The following UACA variants were observed in gnomAD, a reference collection of about 807,000 sequenced individuals.
UACA encodes uveal autoantigen with coiled-coil domains and ankyrin repeats.
A neutral mutation model predicts 160.5 loss-of-function variants in UACA; 112 were observed. The observed-to-expected ratio is 0.70, with a 90% CI of 0.60 to 0.82. The LOEUF is 0.82. UACA is among the 40% of genes least tolerant of loss of function. UACA has a pLI of 0.00. For synonymous variants in UACA, 557 were observed against 568.4 expected, an observed-to-expected ratio of 0.98 and a Z score of 0.29; for missense variants, 1,574 against 1,614.6, an observed-to-expected ratio of 0.97 and a Z score of 0.43.
chr15:70,696,752 G>C (rs1468328970), intron 2 of UACA, among the ~76,000 whole-genome samples: 1 of 152,166 alleles, frequency 6.6e-6, no homozygotes, highest in African/African-American at 2.4e-5. Flanking sequence ...ACCTTTTGAA[G>C]AATGCTAATT....
chr15:70,658,266 A>G (rs74021814), intron 18 of UACA, among the ~76,000 whole-genome samples: 2,101 of 152,318 alleles, frequency 0.014, 47 homozygotes, highest in African/African-American at 0.047. Flanking sequence ...CTGCATGGAC[A>G]TATTACATTT....
intron 1 of UACA, among the ~76,000 whole-genome samples, chr15:70,756,691 G>T (rs1175246126): frequency 6.6e-6 from 1 of 152,062 alleles, no homozygotes; most frequent in African/African-American, 2.4e-5. Flanking sequence ...TGGCCAACAT[G>T]GCAAAACCCT....
chr15:70,660,256 T>C (rs779355863), intron 17 of UACA, 40 bp from the exon 18 acceptor site: 47 of 1,564,948 alleles, frequency 3.0e-5, no homozygotes, highest in Non-Finnish European at 4.0e-5. Flanking sequence ...ACTATCAGCG[T>C]TCACATTTCC....
At chr15:70,676,975 A>G (rs959721365) in intron 12 of UACA, 133 bp downstream of exon 12, 1 of 683,042 alleles carries the variant, frequency 1.5e-6, no homozygotes, top group Non-Finnish European at 2.4e-6. Flanking sequence ...TCATCTATAG[A>G]TTTTGAATTT....
chr15:70,660,340 A>C, intron 17 of UACA, 124 bp from the exon 18 acceptor site: 1 of 749,300 alleles, frequency 1.3e-6, no homozygotes, highest in Non-Finnish European at 2.2e-6. Flanking sequence ...TACTTCTAAC[A>C]ACAAACTACC....
chr15:70,741,730 G>A (rs1478230483), intron 1 of UACA, among the ~76,000 whole-genome samples: 1 of 152,142 alleles, frequency 6.6e-6, no homozygotes, highest in Non-Finnish European at 1.5e-5. Flanking sequence ...GTTTTAATAA[G>A]TCAGTTCATG....
chr15:70,754,744 G>A (rs1422223034), intron 1 of UACA, among the ~76,000 whole-genome samples: 1 of 152,154 alleles, frequency 6.6e-6, no homozygotes, highest in African/African-American at 2.4e-5. Flanking sequence ...AAAGCCAACA[G>A]ACAAAACTGT....
intron 15 of UACA, among the ~76,000 whole-genome samples, 178 bp downstream of exon 15, chr15:70,670,861 A>C (rs1897112874): frequency 6.6e-6 from 1 of 152,152 alleles, no homozygotes; most frequent in African/African-American, 2.4e-5. Flanking sequence ...AGGGCACCAG[A>C]AACAGCAATA....
In UACA at chr15:70,760,580, G is replaced by A. The variant is rs1007741097; in HGVS notation, c.78+2750C>T. ...TCCCAGCACTTTGGGAGGCCGAGGC[G>A]GGTGGATCACAAGGTCAAGAGATTG... On this transcript the variant is annotated intron_variant, in intron 1 of 18. Coordinates refer to ENST00000322954, the MANE Select transcript of UACA (RefSeq NM_018003.4). 6.6e-5 allele frequency among the ~76,000 whole-genome samples: 10 copies of A among 151,976 alleles called. No homozygotes were observed. In the South Asian group the frequency reaches 1.7e-3, roughly 25 times the overall value.
chr15:70,741,654 A>T (rs992602033), intron 1 of UACA, among the ~76,000 whole-genome samples: 1 of 152,226 alleles, frequency 6.6e-6, no homozygotes, highest in Non-Finnish European at 1.5e-5. Context: ...ATTGCTATTT[A>T]ACTGAATCAA....
In UACA at chr15:70,763,348, G is replaced by A. The variant is rs1004131889; in HGVS notation, c.60C>T (p.Gly20=). 7.3e-5 allele frequency: 98 copies of A among 1,334,340 alleles called. No homozygotes were observed. Among genetic ancestry groups the A allele is most frequent in the Non-Finnish European group, 9.2e-5 (95 of 1,037,286 alleles). 82.7% of individuals were successfully genotyped at this position (1,334,340 alleles called of 1,614,324 possible). ...RQDVPGPASS[G]AAAASAHAAD... is the part of the protein sequence containing the mutation. ...GACTCACCGCGCTGGCGGCGGCGGCGCCAGACGACGCGGGGCCGGGCACGT... is the reference window on the plus strand; with the variant it reads ...GACTCACCGCGCTGGCGGCGGCGGCACCAGACGACGCGGGGCCGGGCACGT... The change falls in exon 1 of 19, where the codon GGC becomes GGT. Residue 20 remains glycine, a synonymous_variant. Transcript: ENST00000322954.
chr15:70,692,866 AATTGGCTTT>A (rs1897989005), intron 3 of UACA, among the ~76,000 whole-genome samples: 1 of 152,188 alleles, frequency 6.6e-6, no homozygotes, highest in South Asian at 2.1e-4. Flanking sequence ...GGGATAAATA[AATTGGCTTT>A]CAACTCTCTG....
chr15:70,681,105 C>G (rs1327612115), intron 9 of UACA, among the ~76,000 whole-genome samples: 4 of 152,206 alleles, frequency 2.6e-5, no homozygotes, highest in African/African-American at 9.6e-5. Flanking sequence ...CACCCACTCC[C>G]TCTTCATCCC....
chr15:70,724,999 G>A (rs1410735427), intron 1 of UACA, among the ~76,000 whole-genome samples: 1 of 152,004 alleles, frequency 6.6e-6, no homozygotes, highest in Non-Finnish European at 1.5e-5. Context: ...GGCTAAGTTG[G>A]GAGGATCACT....
intron 1 of UACA, among the ~76,000 whole-genome samples, chr15:70,742,991 G>A (rs1899585590): frequency 6.6e-6 from 1 of 152,200 alleles, no homozygotes; most frequent in Non-Finnish European, 1.5e-5. Context: ...GTGCCAGCCA[G>A]GCTGGGTTCT....
rs755721593 is a variant in UACA, at chr15:70,657,139, GAAGA to G, written c.4180-16_4180-13del. 8.7e-6 allele frequency: 14 copies of G among 1,607,700 alleles called. No individual in the cohort carries two copies. The highest frequency in any genetic ancestry group is 1.7e-5 in the Admixed American group (1 of 59,976). ...TCATCCATGTGACCCTTCGGAGAAA[GAAGA>G]AAGAGGAGCATTATTTTATGTCATC... is the stretch of plus-strand genomic sequence containing the variant. On this transcript the variant is annotated splice_polypyrimidine_tract_variant and intron_variant, in intron 18 of 18. Transcript: ENST00000322954.
Position 70,668,688 on chromosome 15 carries a change from G to A in UACA, c.1996C>T (p.Gln666Ter). Residue 666 changes from glutamine to a stop codon, truncating the protein, a stop_gained, in exon 16 of 19, where the codon CAG (glutamine) becomes TAG (stop). Coordinates refer to ENST00000322954, the MANE Select transcript of UACA (RefSeq NM_018003.4). LOFTEE classifies it high-confidence loss of function. ...ACATTCTCAAGTTCTCTCTTTAACT[G>A]TCTAATTTCACTAAGTGATTTTTCA... ...EHEKSLSEIR[Q>*]LKRELENVKA... 6.2e-7 allele frequency: 1 copy of A among 1,613,966 alleles called. No individual in the cohort carries two copies. Among genetic ancestry groups the A allele is most frequent in the Non-Finnish European group, 8.5e-7 (1 of 1,179,990 alleles).
chr15:70,671,170 C>T, intron 14 of UACA, 79 bp from the exon 15 acceptor site: 1 of 1,027,904 alleles, frequency 9.7e-7, no homozygotes, highest in South Asian at 1.5e-5. Flanking sequence ...GATGTTATTT[C>T]CTTTATTATT....
At chr15:70,723,524 C>G (rs557670892) in intron 1 of UACA, among the ~76,000 whole-genome samples, 1 of 152,148 alleles carries the variant, frequency 6.6e-6, no homozygotes, top group African/African-American at 2.4e-5. Context: ...CTTTTCATAG[C>G]GAAGTTCTTC....
Sources: allele counts gnomAD v4.1 joint callset (sites outside exome capture counted in the v4.1 genomes callset), GRCh38; gene constraint gnomAD v4.1.1; transcripts MANE v1.5; gene names NCBI Gene and HGNC (gene_info 2026-07-23, HGNC 2026-07-21).